Variants in STARD13 observed in about 807,000 individuals in gnomAD.
STARD13 encodes the protein StAR related lipid transfer domain containing 13.
STARD13 carries 62 observed loss-of-function variants against 106.4 expected under a neutral mutation model. That is an observed-to-expected ratio of 0.58 (90% CI 0.48 to 0.72). STARD13 has a LOEUF of 0.72. Ranked by LOEUF, STARD13 falls within the 30% of genes least tolerant of loss-of-function variation. The probability of loss-of-function intolerance (pLI) is 0.00; values close to 1 mark genes in which losing one functional copy is unlikely to be tolerated. For synonymous variants in STARD13, 565 were observed against 553.0 expected (o/e 1.02, Z -0.31); for missense variants, 1,387 against 1,424.0 (o/e 0.97, Z 0.42).
intron 1 of STARD13, among the ~76,000 whole-genome samples, chr13:33,230,465 T>C (rs1484199840): frequency 1.3e-5 from 2 of 152,224 alleles, no homozygotes; most frequent in Non-Finnish European, 2.9e-5. Context: ...CCCAGCCCTT[T>C]ATTTCAGAAA....
intron 1 of STARD13, among the ~76,000 whole-genome samples, chr13:33,231,116 G>A (rs1180510857): frequency 6.6e-6 from 1 of 152,216 alleles, no homozygotes; most frequent in Non-Finnish European, 1.5e-5. Context: ...TCAGTTGGCT[G>A]AGTGAGTGAT....
the STARD13 span, among the ~76,000 whole-genome samples, chr13:33,427,597 A>C: frequency 2.0e-5 from 3 of 152,224 alleles, no homozygotes; most frequent in Non-Finnish European, 2.9e-5. Context: ...TGTGCTGTTC[A>C]AAATGGTAGC....
At chr13:33,360,471 T>G in the STARD13 span, among the ~76,000 whole-genome samples, 1 of 151,950 alleles carries the variant, frequency 6.6e-6, no homozygotes, top group African/African-American at 2.4e-5. Context: ...CCCAAAATGC[T>G]GGGATTACAG....
chr13:33,557,204 TTCCTTCTCTCCC>T, the STARD13 span, among the ~76,000 whole-genome samples: 4 of 152,098 alleles, frequency 2.6e-5, no homozygotes, highest in Non-Finnish European at 4.4e-5. Flanking sequence ...CTAGTCCCTC[TTCCTTCTCTCCC>T]TCCTTCTCTT....
the STARD13 span, among the ~76,000 whole-genome samples, chr13:33,575,708 T>C: frequency 6.6e-6 from 1 of 152,182 alleles, no homozygotes; most frequent in Non-Finnish European, 1.5e-5. Flanking sequence ...TCTTTGCTCC[T>C]GTGTGCTTCC....
intron 4 of STARD13, among the ~76,000 whole-genome samples, chr13:33,136,538 T>TG (rs1879079049): frequency 6.6e-6 from 1 of 152,226 alleles, no homozygotes; most frequent in South Asian, 2.1e-4. Flanking sequence ...ATTTTACATA[T>TG]ACCTACCTTT....
At chr13:33,228,771 C>T (rs1408401476) in intron 1 of STARD13, among the ~76,000 whole-genome samples, 1 of 151,982 alleles carries the variant, frequency 6.6e-6, no homozygotes, top group African/African-American at 2.4e-5. Context: ...AGCTTTTTTC[C>T]CCCATCACGT....
chr13:33,641,839 A>G, the STARD13 span, among the ~76,000 whole-genome samples: 1 of 151,998 alleles, frequency 6.6e-6, no homozygotes, highest in East Asian at 1.9e-4. Flanking sequence ...GTTTTTGTCT[A>G]CTCTGTCCCA....
At chr13:33,301,857 C>T (rs764851307) in intron 1 of STARD13, among the ~76,000 whole-genome samples, 4 of 145,716 alleles carry the variant, frequency 2.7e-5, no homozygotes, top group South Asian at 2.3e-4. Context: ...TGTGAGCCAC[C>T]GCGCCCGGCC....
the STARD13 span, among the ~76,000 whole-genome samples, chr13:33,542,671 G>A: frequency 6.6e-6 from 1 of 152,228 alleles, no homozygotes; most frequent in Non-Finnish European, 1.5e-5. Flanking sequence ...TCCGGTTCTG[G>A]CCCCGCCCTC....
intron 1 of STARD13, among the ~76,000 whole-genome samples, chr13:33,342,090 A>G (rs923476469): frequency 3.9e-5 from 6 of 152,224 alleles, no homozygotes; most frequent in Non-Finnish European, 8.8e-5. Context: ...CCACTCTGCC[A>G]GGCCACAAAT....
intron 1 of STARD13, among the ~76,000 whole-genome samples, chr13:33,183,535 T>C (rs899120134): frequency 3.9e-5 from 6 of 152,222 alleles, no homozygotes; most frequent in Admixed American, 2.0e-4. Context: ...TGTTCCACTC[T>C]GTTTGAGAAG....
At chr13:33,503,291 G>A in the STARD13 span, among the ~76,000 whole-genome samples, 1 of 151,822 alleles carries the variant, frequency 6.6e-6, no homozygotes, top group African/African-American at 2.4e-5. Flanking sequence ...TATTAGTCTT[G>A]CTAGCAGTCT....
chr13:33,294,124 A>C (rs1342821555), intron 1 of STARD13, among the ~76,000 whole-genome samples: 1 of 152,186 alleles, frequency 6.6e-6, no homozygotes, highest in Admixed American at 6.5e-5. Flanking sequence ...CAAAGAGGGG[A>C]TAAAGGGCAT....
At chr13:33,456,794 G>A in the STARD13 span, among the ~76,000 whole-genome samples, 1 of 152,186 alleles carries the variant, frequency 6.6e-6, no homozygotes, top group Non-Finnish European at 1.5e-5. Flanking sequence ...CAGAAAGCAG[G>A]CACTGAATTT....
At chr13:33,363,806 C>T in the STARD13 span, among the ~76,000 whole-genome samples, 2 of 152,288 alleles carry the variant, frequency 1.3e-5, no homozygotes, top group East Asian at 3.9e-4. Context: ...GAATGCAGTG[C>T]TCAGAACATA....
chr13:33,247,261 C>A (rs771125276), intron 1 of STARD13, among the ~76,000 whole-genome samples: 1 of 151,100 alleles, frequency 6.6e-6, no homozygotes, highest in Non-Finnish European at 1.5e-5. Flanking sequence ...GGAAAAAAGT[C>A]CAGAAGAGAA....
At chr13:33,528,183 A>G in the STARD13 span, among the ~76,000 whole-genome samples, 1 of 141,330 alleles carries the variant, frequency 7.1e-6, no homozygotes, top group East Asian at 2.0e-4. Context: ...ATATATATAT[A>G]TATATACACA....
intron 1 of STARD13, among the ~76,000 whole-genome samples, chr13:33,253,565 C>A (rs1890191379): frequency 6.6e-6 from 1 of 152,194 alleles, no homozygotes; most frequent in Non-Finnish European, 1.5e-5. Context: ...CTAGCTGCAG[C>A]ACTGCTGGGT....
Sources: allele counts gnomAD v4.1 joint callset (sites outside exome capture counted in the v4.1 genomes callset), GRCh38; gene constraint gnomAD v4.1.1; transcripts MANE v1.5; gene names NCBI Gene and HGNC (gene_info 2026-07-23, HGNC 2026-07-21).